Variants in SEPTIN7 observed in about 807,000 individuals in gnomAD.
The protein encoded by SEPTIN7 is septin-7.
SEPTIN7 carries 10 observed loss-of-function variants against 63.3 expected under a neutral mutation model. That is an observed-to-expected ratio of 0.16 (90% CI 0.10 to 0.27). The LOEUF (loss-of-function observed/expected upper bound fraction) is 0.27. Ranked by LOEUF, SEPTIN7 falls within the 10% of genes least tolerant of loss-of-function variation. SEPTIN7 has a pLI of 1.00. For synonymous variants in SEPTIN7, 131 were observed against 165.3 expected (o/e 0.79, Z 1.59); for missense variants, 310 against 521.0 (o/e 0.59, Z 3.94).
intron 6 of SEPTIN7, among the ~76,000 whole-genome samples, chr7:35,875,713 C>G (rs1786432287): frequency 6.6e-6 from 1 of 152,060 alleles, no homozygotes; most frequent in Admixed American, 6.6e-5. Context: ...TATTGATTAC[C>G]ACTTTTAGAA....
chr7:35,842,605 T>C (rs1784462630), intron 3 of SEPTIN7, among the ~76,000 whole-genome samples: 2 of 152,156 alleles, frequency 1.3e-5, no homozygotes. Context: ...GTTTAGAATC[T>C]CAAAAAGGTC....
intron 1 of SEPTIN7, among the ~76,000 whole-genome samples, chr7:35,808,809 G>A (rs1788520029): frequency 6.6e-6 from 1 of 152,148 alleles, no homozygotes; most frequent in Admixed American, 6.5e-5. Context: ...ATCATGATAT[G>A]GGATATATTT....
rs1785454375 is a variant in SEPTIN7 at position 35,860,637 on chromosome 7, T to G, written c.170-2915T>G. Reference sequence around the variant, plus strand: ...CAGATACAGAAGTTGCATTTGACATTTATTTTCTTGTAGCACTTTAAATGT... The same window carrying G: ...CAGATACAGAAGTTGCATTTGACATGTATTTTCTTGTAGCACTTTAAATGT... On this transcript the variant is annotated intron_variant, in intron 3 of 13. Transcript: ENST00000350320. Among the ~76,000 whole-genome samples, 3 of 152,256 alleles carry G rather than the reference T, an allele frequency of 2.0e-5. No individual in the cohort carries two copies. In the South Asian group the frequency reaches 6.2e-4, roughly 32 times the overall value.
chr7:35,908,514 T>C (rs984739801), downstream of SEPTIN7, among the ~76,000 whole-genome samples: 2 of 152,138 alleles, frequency 1.3e-5, no homozygotes, highest in African/African-American at 4.8e-5. Context: ...TTTTAGATGC[T>C]GTTTGTGGAC....
chr7:35,839,701 G>A (rs945074228), intron 3 of SEPTIN7, among the ~76,000 whole-genome samples: 1 of 152,096 alleles, frequency 6.6e-6, no homozygotes, highest in African/African-American at 2.4e-5. Context: ...ATAGGCGCCT[G>A]CCACCATCAC....
At chr7:35,897,509 A>T (rs761650504) in intron 11 of SEPTIN7, among the ~76,000 whole-genome samples, 2 of 148,128 alleles carry the variant, frequency 1.4e-5, no homozygotes, top group Non-Finnish European at 3.0e-5. Flanking sequence ...CAGAGTGAAC[A>T]TTTTTTTTTT....
intron 10 of SEPTIN7, among the ~76,000 whole-genome samples, chr7:35,889,390 C>G (rs555857085): frequency 1.3e-5 from 2 of 152,146 alleles, no homozygotes; most frequent in African/African-American, 4.8e-5. Flanking sequence ...GGGGAGTCAA[C>G]TATCAGAGAA....
chr7:35,889,523 T>C (rs1195261033), intron 10 of SEPTIN7, among the ~76,000 whole-genome samples: 2 of 152,216 alleles, frequency 1.3e-5, no homozygotes. Flanking sequence ...TTGTAAGGAA[T>C]GATAAAAACA....
chr7:35,830,571 G>A (rs756623774), intron 1 of SEPTIN7, among the ~76,000 whole-genome samples: 3 of 152,162 alleles, frequency 2.0e-5, no homozygotes, highest in Non-Finnish European at 4.4e-5. Flanking sequence ...TGGGACTTCG[G>A]CTTTTACTTT....
intron 9 of SEPTIN7, 41 bp downstream of exon 9, chr7:35,884,028 A>G (rs1273833189): frequency 1.7e-5 from 21 of 1,232,000 alleles, no homozygotes; most frequent in African/African-American, 8.9e-5. Flanking sequence ...AAATATCTCA[A>G]AACTGATTAA....
At chr7:35,870,264 GTAAT>G (rs1171725192) in intron 4 of SEPTIN7, among the ~76,000 whole-genome samples, 8 of 152,142 alleles carry the variant, frequency 5.3e-5, no homozygotes, top group Non-Finnish European at 1.2e-4. Flanking sequence ...AAGTCAATAA[GTAAT>G]TAAGTTGTTG....
intron 1 of SEPTIN7, among the ~76,000 whole-genome samples, chr7:35,829,064 G>A (rs1162610288): frequency 6.7e-6 from 1 of 148,506 alleles, no homozygotes; most frequent in Non-Finnish European, 1.5e-5. Context: ...TTGCCTCCCT[G>A]ACCTCATTTC....
At chr7:35,872,190 G>A (rs1786194799) in intron 4 of SEPTIN7, among the ~76,000 whole-genome samples, 1 of 152,172 alleles carries the variant, frequency 6.6e-6, no homozygotes, top group African/African-American at 2.4e-5. Context: ...ATTTGAGTGA[G>A]TGGTTGGGGC....
chr7:35,857,310 T>A (rs544713495), intron 3 of SEPTIN7, among the ~76,000 whole-genome samples: 1 of 152,310 alleles, frequency 6.6e-6, no homozygotes, highest in African/African-American at 2.4e-5. Context: ...CTTGGCCAAA[T>A]GATACCCTTT....
chr7:35,848,892 C>G (rs759749503), intron 3 of SEPTIN7, among the ~76,000 whole-genome samples: 1 of 152,186 alleles, frequency 6.6e-6, no homozygotes, highest in Non-Finnish European at 1.5e-5. Context: ...AAGATCCTAA[C>G]ATACCTCTTA....
At position 35,801,205 on chromosome 7, in the gene SEPTIN7, A is replaced by AG; in HGVS notation, c.-1dup. 3 of 1,492,938 alleles carry AG rather than the reference A, an allele frequency of 2.0e-6. No individual in the cohort carries two copies. In the South Asian group the frequency reaches 3.8e-5, roughly 19 times the overall value. 92.5% of individuals were successfully genotyped at this position (1,492,938 alleles called of 1,614,324 possible). On this transcript the variant is annotated 5_prime_UTR_variant, in exon 1 of 14. Coordinates refer to ENST00000350320, the MANE Select transcript of SEPTIN7 (RefSeq NM_001788.6). ...GCTGGGGCTGGTCGCGGAGGGGGGGAGGGGATGTCGGTCAGTGCGAGATCC... is the reference window on the plus strand; with the variant it reads ...GCTGGGGCTGGTCGCGGAGGGGGGGAGGGGGATGTCGGTCAGTGCGAGATCC...
At chr7:35,880,010 A>G in intron 7 of SEPTIN7, 70 bp downstream of exon 7, 1 of 821,936 alleles carries the variant, frequency 1.2e-6, no homozygotes, top group Non-Finnish European at 2.1e-6. Flanking sequence ...TATTTTTAGT[A>G]TAATGTGTTG....
chr7:35,890,644 A>G, intron 10 of SEPTIN7, 24 bp from the exon 11 acceptor site: 1 of 1,428,410 alleles, frequency 7.0e-7, no homozygotes, highest in Non-Finnish European at 9.2e-7. Context: ...ATAGAAGCAA[A>G]CTCTTGCTGT....
rs771988741 is a variant in SEPTIN7, at chr7:35,904,239, C to T, written c.1275-15C>T. On this transcript the variant is annotated splice_polypyrimidine_tract_variant and intron_variant, in intron 13 of 13. Transcript: ENST00000350320. ...AATGGTTACTCATCTTGCTTATTTT[C>T]CTTTTATCCTTTAGAACCTTGGAAA... 29 of 1,529,328 alleles carry T rather than the reference C, an allele frequency of 1.9e-5. No homozygotes were observed. Among genetic ancestry groups the T allele is most frequent in the Admixed American group, 6.3e-5 (3 of 47,570 alleles). The allele number at this position is 1,529,328 out of a possible 1,614,324, so 94.7% of individuals were successfully genotyped here. A position where few individuals can be genotyped will look rare whatever the true frequency, so the allele number is the denominator to read the frequency against.
Sources: allele counts gnomAD v4.1 joint callset (sites outside exome capture counted in the v4.1 genomes callset), GRCh38; gene constraint gnomAD v4.1.1; transcripts MANE v1.5; gene names NCBI Gene and HGNC (gene_info 2026-07-23, HGNC 2026-07-21).